The following IL15 variants were observed in gnomAD, a reference collection of about 807,000 sequenced individuals.
IL15 encodes the protein interleukin 15.
In IL15, 11 loss-of-function variants were observed where a neutral mutation model predicts 19.6. That is an observed-to-expected ratio of 0.56 (90% CI 0.35 to 0.93). The LOEUF is 0.93. Ranked by LOEUF, IL15 falls within the 40% of genes least tolerant of loss-of-function variation. The probability of loss-of-function intolerance (pLI) is 0.01; values close to 1 mark genes in which losing one functional copy is unlikely to be tolerated. For synonymous variants in IL15, 58 were observed against 59.6 expected (o/e 0.97, Z 0.12); for missense variants, 197 against 186.5 (o/e 1.06, Z -0.33).
At chr4:141,715,164 A>G (rs1729839929) in intron 2 of IL15, 2 of 152,162 alleles carry the variant, frequency 1.3e-5, no homozygotes, top group East Asian at 1.9e-4. Flanking sequence ...TGGAAATTAT[A>G]TTAGTCCTAT....
At chr4:141,687,636 T>A (rs551918234) in intron 2 of IL15, among the ~76,000 whole-genome samples, 77 of 152,316 alleles carry the variant, frequency 5.1e-4, no homozygotes, top group Non-Finnish European at 9.1e-4. Context: ...CCCGAATTGT[T>A]TTACTCTTTC....
chr4:141,721,508 T>G (rs1730079715), intron 4 of IL15: 2 of 542,400 alleles, frequency 3.7e-6, no homozygotes, highest in Non-Finnish European at 7.0e-6. Flanking sequence ...TACATGAAAA[T>G]GATTATTACT....
At chr4:141,653,879 A>G (rs536928810) in intron 1 of IL15, among the ~76,000 whole-genome samples, 8 of 152,322 alleles carry the variant, frequency 5.3e-5, no homozygotes, top group Non-Finnish European at 2.9e-5. Flanking sequence ...TTCAATATCC[A>G]AAAGGGTTCT....
At chr4:141,717,396 A>G (rs1729921804) in intron 2 of IL15, 1 of 152,126 alleles carries the variant, frequency 6.6e-6, no homozygotes, top group Non-Finnish European at 1.5e-5. Flanking sequence ...GCAGTTATGG[A>G]GGGAGTGAGT....
At chr4:141,644,120 T>C (rs960625027) in intron 1 of IL15, among the ~76,000 whole-genome samples, 1 of 151,962 alleles carries the variant, frequency 6.6e-6, no homozygotes, top group African/African-American at 2.4e-5. Flanking sequence ...TCACCCTTTT[T>C]TTCAGTGCTG....
intron 2 of IL15, among the ~76,000 whole-genome samples, chr4:141,671,819 C>T (rs776690863): frequency 5.3e-5 from 8 of 151,980 alleles, no homozygotes; most frequent in Non-Finnish European, 1.0e-4. Flanking sequence ...CATAGCTAGC[C>T]CAGATTTAAG....
intron 2 of IL15, among the ~76,000 whole-genome samples, chr4:141,700,366 C>A (rs913301103): frequency 2.0e-5 from 3 of 152,132 alleles, no homozygotes; most frequent in Non-Finnish European, 4.4e-5. Flanking sequence ...CTTTCCCTCT[C>A]CTTCATTTAT....
chr4:141,716,908 A>T (rs1353054758), intron 2 of IL15: 1 of 152,242 alleles, frequency 6.6e-6, no homozygotes, highest in Non-Finnish European at 1.5e-5. Flanking sequence ...GACTTGTTTC[A>T]GATGAGTTAT....
intron 2 of IL15, among the ~76,000 whole-genome samples, chr4:141,663,694 CT>C (rs1727868907): frequency 6.6e-6 from 1 of 152,142 alleles, no homozygotes; most frequent in Non-Finnish European, 1.5e-5. Flanking sequence ...GTCTTAATTT[CT>C]TTTTGGCCAA....
At chr4:141,694,357 T>C (rs1729023133) in intron 2 of IL15, among the ~76,000 whole-genome samples, 1 of 152,202 alleles carries the variant, frequency 6.6e-6, no homozygotes, top group Non-Finnish European at 1.5e-5. Context: ...AGGTTAGAGA[T>C]CATGAATTGA....
chr4:141,671,610 G>A lies in IL15; in HGVS notation c.-100+15303G>A, dbSNP rs140389148. 4.6e-5 allele frequency among the ~76,000 whole-genome samples: 7 copies of A among 152,176 alleles called. No homozygotes were observed. The East Asian group carries it at 7.7e-4, about 17-fold the overall frequency. ...CTCGGTGATGGCTGTTGTGTGAGCC[G>A]CTTTCATCATGCAGTTTCTTCATTA... On this transcript the variant is annotated intron_variant, in intron 2 of 7. Coordinates refer to ENST00000320650, the MANE Select transcript of IL15 (RefSeq NM_000585.5).
At chr4:141,675,875 G>T (rs1458404382) in intron 2 of IL15, among the ~76,000 whole-genome samples, 1 of 152,128 alleles carries the variant, frequency 6.6e-6, no homozygotes, top group African/African-American at 2.4e-5. Flanking sequence ...GTGGGTACAG[G>T]ATTGCTATGA....
intron 7 of IL15, among the ~76,000 whole-genome samples, chr4:141,731,072 G>A (rs920430690): frequency 3.9e-5 from 6 of 152,114 alleles, no homozygotes; most frequent in African/African-American, 1.4e-4. Flanking sequence ...AGGGTATCTA[G>A]GGACATATGT....
chr4:141,655,613 A>G lies in IL15; in HGVS notation c.-221-573A>G, dbSNP rs1727564545. On this transcript the variant is annotated intron_variant, in intron 1 of 7. Coordinates refer to ENST00000320650, the MANE Select transcript of IL15 (RefSeq NM_000585.5). ...AGTTGGATTACCCTTATAAAAAAACATAGAAGTTACACTGTTTTTAGGTTT... is the reference window on the plus strand; with the variant it reads ...AGTTGGATTACCCTTATAAAAAAACGTAGAAGTTACACTGTTTTTAGGTTT... Among the ~76,000 whole-genome samples the G allele has an allele frequency of 2.0e-5, 3 of 152,174 alleles. 1 individual carries two copies. In the South Asian group the frequency reaches 6.2e-4, roughly 32 times the overall value.
At chr4:141,668,715 T>C (rs891965764) in intron 2 of IL15, among the ~76,000 whole-genome samples, 1 of 152,186 alleles carries the variant, frequency 6.6e-6, no homozygotes, top group Non-Finnish European at 1.5e-5. Context: ...ACATCCTTTT[T>C]CTCCTAAGGG....
In IL15 at chr4:141,720,504, C is replaced by T; in HGVS notation, c.48C>T (p.Tyr16=). 6.3e-7 allele frequency: 1 copy of T among 1,598,120 alleles called. No homozygotes were observed. The highest frequency in any genetic ancestry group is 8.6e-7 in the Non-Finnish European group (1 of 1,166,098). The change falls in exon 4 of 8, where the codon TAC becomes TAT. Residue 16 remains tyrosine, a synonymous_variant. Coordinates refer to ENST00000320650, the MANE Select transcript of IL15 (RefSeq NM_000585.5). ...PHLRSISIQC[Y]LCLLLNSHFL... ...TGAGAAGTATTTCCATCCAGTGCTACTTGTGTTTACTTCTAAACAGTCATT... is the reference window on the plus strand; with the variant it reads ...TGAGAAGTATTTCCATCCAGTGCTATTTGTGTTTACTTCTAAACAGTCATT...
chr4:141,642,202 A>T (rs1041325268), intron 1 of IL15, among the ~76,000 whole-genome samples: 5 of 152,122 alleles, frequency 3.3e-5, no homozygotes, highest in African/African-American at 1.2e-4. Context: ...ATAGGGAGAG[A>T]TAGGCATTTT....
At chr4:141,668,874 T>C (rs950569386) in intron 2 of IL15, among the ~76,000 whole-genome samples, 6 of 152,200 alleles carry the variant, frequency 3.9e-5, no homozygotes, top group African/African-American at 1.4e-4. Context: ...CACTGGTTTA[T>C]TCTAAGAGGA....
At chr4:141,649,437 G>A (rs1727333303) in intron 1 of IL15, among the ~76,000 whole-genome samples, 1 of 151,222 alleles carries the variant, frequency 6.6e-6, no homozygotes, top group Admixed American at 6.6e-5. Context: ...AGGAAGTGGT[G>A]GAACTGGAGC....
Sources: gnomAD v4.1 joint callset for allele counts (sites outside exome capture counted in the v4.1 genomes callset) on GRCh38, gnomAD v4.1.1 for gene constraint, MANE v1.5 for transcripts, NCBI Gene and HGNC (gene_info 2026-07-23, HGNC 2026-07-21) for gene names.